The following RBFOX1 variants were observed in gnomAD, a reference collection of about 807,000 sequenced individuals.
The protein encoded by RBFOX1 is RNA binding protein fox-1 homolog 1.
In RBFOX1, 8 loss-of-function variants were observed where a neutral mutation model predicts 57.7. The ratio of observed to expected loss-of-function variants is 0.14; its 90% confidence interval spans 0.08 to 0.25. The LOEUF (loss-of-function observed/expected upper bound fraction) is 0.25, where lower values mean the gene tolerates loss of function less well. RBFOX1 is among the 10% of genes least tolerant of loss of function. The probability of loss-of-function intolerance (pLI) is 1.00; values close to 1 mark genes in which losing one functional copy is unlikely to be tolerated. For missense variants in RBFOX1, 611 were observed against 548.5 expected (o/e 1.11, Z -1.14); for synonymous variants, 326 against 222.4 (o/e 1.47, Z -4.15).
At chr16:7,705,626 A>G (rs1433557949) in intron 14 of RBFOX1, among the ~76,000 whole-genome samples, 2 of 152,374 alleles carry the variant, frequency 1.3e-5, no homozygotes, top group Non-Finnish European at 1.5e-5. Flanking sequence ...TCTAGGATCA[A>G]TGGAAAACTA....
chr16:5,683,567 C>T (rs544279986), intron 3 of RBFOX1, among the ~76,000 whole-genome samples: 6 of 152,090 alleles, frequency 3.9e-5, no homozygotes, highest in Middle Eastern at 3.4e-3. Context: ...ATGGGCCTAG[C>T]TTCCAAGCCC....
chr16:7,120,828 T>TACAC (rs557348204), intron 4 of RBFOX1, among the ~76,000 whole-genome samples: 1,765 of 32,520 alleles, frequency 0.054, 19 homozygotes, highest in Middle Eastern at 0.14. Context: ...TATATGTATA[T>TACAC]ATACACACAC....
chr16:5,853,385 G>C (rs751983020), intron 3 of RBFOX1, among the ~76,000 whole-genome samples: 6 of 152,150 alleles, frequency 3.9e-5, no homozygotes, highest in African/African-American at 1.4e-4. Flanking sequence ...GAGCGTGTTG[G>C]AGTCCTGCCC....
At chr16:5,619,261 G>A (rs1418387286) in intron 3 of RBFOX1, among the ~76,000 whole-genome samples, 1 of 152,152 alleles carries the variant, frequency 6.6e-6, no homozygotes, top group African/African-American at 2.4e-5. Context: ...GGCCTCCCGG[G>A]CTCCAGCCAC....
intron 3 of RBFOX1, among the ~76,000 whole-genome samples, chr16:6,905,478 G>A (rs562074936): frequency 8.6e-5 from 13 of 151,888 alleles, no homozygotes; most frequent in Non-Finnish European, 7.4e-5. Context: ...GCTTGAACCC[G>A]GGAGGCATAG....
At chr16:6,871,320 G>C (rs2060837352) in intron 3 of RBFOX1, among the ~76,000 whole-genome samples, 1 of 152,056 alleles carries the variant, frequency 6.6e-6, no homozygotes, top group Non-Finnish European at 1.5e-5. Flanking sequence ...TGAGTAGCTG[G>C]GATTACAGGC....
intron 3 of RBFOX1, among the ~76,000 whole-genome samples, chr16:6,681,360 G>A (rs940205753): frequency 4.6e-5 from 7 of 152,160 alleles, no homozygotes; most frequent in East Asian, 1.9e-4. Flanking sequence ...TCTTGGTTAA[G>A]TCTTTGCTAC....
chr16:7,003,643 C>G (rs184761318), intron 3 of RBFOX1, among the ~76,000 whole-genome samples: 2 of 152,040 alleles, frequency 1.3e-5, no homozygotes, highest in Non-Finnish European at 2.9e-5. Flanking sequence ...GCTATAAACT[C>G]AAAGGTTGAT....
intron 3 of RBFOX1, among the ~76,000 whole-genome samples, chr16:5,831,807 T>C (rs1458945631): frequency 6.6e-6 from 1 of 152,174 alleles, no homozygotes; most frequent in Non-Finnish European, 1.5e-5. Context: ...CCTAATACTG[T>C]CTTCACTATA....
chr16:6,318,520 T>G (rs913437814), intron 2 of RBFOX1, among the ~76,000 whole-genome samples: 30 of 152,240 alleles, frequency 2.0e-4, no homozygotes, highest in African/African-American at 7.2e-4. Flanking sequence ...GACATAAGGT[T>G]TCAAGGATGG....
At chr16:7,709,851 G>A (rs752975308) in intron 15 of RBFOX1, 31 of 1,210,390 alleles carry the variant, frequency 2.6e-5, no homozygotes, top group East Asian at 1.5e-4. Flanking sequence ...ACAGTAAGAC[G>A]TGCCCATCAC....
intron 2 of RBFOX1, among the ~76,000 whole-genome samples, chr16:5,499,539 T>A (rs368254446): frequency 6.6e-6 from 1 of 152,212 alleles, no homozygotes; most frequent in East Asian, 1.9e-4. Context: ...GTTATAAGAT[T>A]TAAACGCAGG....
intron 4 of RBFOX1, among the ~76,000 whole-genome samples, chr16:7,334,458 A>G (rs1803881339): frequency 6.6e-6 from 1 of 152,042 alleles, no homozygotes; most frequent in South Asian, 2.1e-4. Flanking sequence ...CGGCTGTTGG[A>G]GCTTTGTCAG....
rs2048268009 is a variant in RBFOX1, at chr16:7,047,155, T to C, written c.-15-4902T>C. Among the ~76,000 whole-genome samples, 3 of 152,082 alleles carry C rather than the reference T, an allele frequency of 2.0e-5. No individual in the cohort carries two copies. The South Asian group carries it at 6.2e-4, about 32-fold the overall frequency. On this transcript the variant is annotated intron_variant, in intron 3 of 15. Coordinates refer to ENST00000550418, the MANE Select transcript of RBFOX1 (RefSeq NM_018723.4). The stretch of plus-strand genomic sequence containing the variant: ...GTTTACCATTTCCATTTCCAGCTCT[T>C]CCTTTCTTGTTGTTTGAAGTTTCCT...
At chr16:6,612,815 G>C (rs564631745) in intron 2 of RBFOX1, among the ~76,000 whole-genome samples, 1 of 146,432 alleles carries the variant, frequency 6.8e-6, no homozygotes, top group Non-Finnish European at 1.5e-5. Context: ...TCATGCCACT[G>C]CACTCCAGCC....
chr16:5,267,843 A>C (rs1422580706), intron 1 of RBFOX1, among the ~76,000 whole-genome samples: 1 of 152,130 alleles, frequency 6.6e-6, no homozygotes, highest in African/African-American at 2.4e-5. Context: ...GCACTTTGGG[A>C]GGCCAAGGCA....
chr16:5,640,700 C>A (rs555295497), intron 3 of RBFOX1, among the ~76,000 whole-genome samples: 1 of 151,122 alleles, frequency 6.6e-6, no homozygotes, highest in African/African-American at 2.4e-5. Context: ...TGGATACACA[C>A]CTATGCACAC....
At chr16:6,119,210 TATA>T (rs2096530081) in intron 1 of RBFOX1, among the ~76,000 whole-genome samples, 2 of 152,044 alleles carry the variant, frequency 1.3e-5, no homozygotes, top group Admixed American at 6.6e-5. Context: ...ATGAGCTGTT[TATA>T]ATAATTATTG....
chr16:5,813,942 C>T (rs1334273392), intron 3 of RBFOX1, among the ~76,000 whole-genome samples: 1 of 152,230 alleles, frequency 6.6e-6, no homozygotes, highest in Non-Finnish European at 1.5e-5. Context: ...AGGTGTTTAA[C>T]TAACTTACGT....
Sources: gnomAD v4.1 joint callset for allele counts (sites outside exome capture counted in the v4.1 genomes callset) on GRCh38, gnomAD v4.1.1 for gene constraint, MANE v1.5 for transcripts, NCBI Gene and HGNC (gene_info 2026-07-23, HGNC 2026-07-21) for gene names.